Variants in STK24 observed in about 807,000 individuals in gnomAD.
STK24 encodes the protein serine/threonine-protein kinase 24.
STK24 carries 21 observed loss-of-function variants against 55.6 expected under a neutral mutation model. The observed-to-expected ratio is 0.38, with a 90% CI of 0.27 to 0.54. STK24 has a LOEUF of 0.54. Ranked by LOEUF, STK24 falls within the 20% of genes least tolerant of loss-of-function variation. The pLI is 0.79. For synonymous variants in STK24, 200 were observed against 215.2 expected, an observed-to-expected ratio of 0.93 and a Z score of 0.62; for missense variants, 383 against 538.4, an observed-to-expected ratio of 0.71 and a Z score of 2.86.
chr13:98,448,511 C>CT lies in STK24; in HGVS notation c.*4661_*4662insA. On this transcript the variant is annotated 3_prime_UTR_variant, in exon 11 of 11. Coordinates refer to ENST00000539966, the MANE Select transcript of STK24 (RefSeq NM_001032296.4). Reference sequence around the variant, plus strand: ...TCTGAATGAACAGCGCTCCCACCTCCAGTCCTGGCATCCGCTGGGGGCGCT... The same window carrying CT: ...TCTGAATGAACAGCGCTCCCACCTCCTAGTCCTGGCATCCGCTGGGGGCGCT... 1.7e-6 allele frequency: 1 copy of CT among 582,710 alleles called. No individual in the cohort carries two copies. Among genetic ancestry groups the CT allele is most frequent in the South Asian group, 2.0e-5 (1 of 48,834 alleles). 36.1% of individuals were successfully genotyped at this position (582,710 alleles called of 1,614,324 possible).
chr13:98,518,898 G>A (rs1373548247), intron 2 of STK24, among the ~76,000 whole-genome samples: 1 of 152,184 alleles, frequency 6.6e-6, no homozygotes, highest in African/African-American at 2.4e-5. Flanking sequence ...ACATTCTTAA[G>A]TTGGTATGAG....
In STK24 at chr13:98,448,210, G is replaced by GACTA. The variant is rs768076281; in HGVS notation, c.*4959_*4962dup. 5.0e-6 allele frequency: 8 copies of GACTA among 1,603,078 alleles called. No homozygotes were observed. Among genetic ancestry groups the GACTA allele is most frequent in the Middle Eastern group, 1.7e-4 (1 of 5,822 alleles). ...CAGGAGTCCGTCCAAACAAAAGGTT[G>GACTA]ACTAACTGGCGTTCCCGTGTTGCAG... On this transcript the variant is annotated 3_prime_UTR_variant, in exon 11 of 11. Transcript: ENST00000539966.
At chr13:98,469,240 T>TAC (rs1453651676) in intron 5 of STK24, among the ~76,000 whole-genome samples, 1 of 152,160 alleles carries the variant, frequency 6.6e-6, no homozygotes, top group Admixed American at 6.5e-5. Flanking sequence ...GGGCAGCCAG[T>TAC]ACAGCACCAT....
intron 1 of STK24, among the ~76,000 whole-genome samples, chr13:98,548,079 C>G (rs186343850): frequency 2.6e-5 from 4 of 152,250 alleles, no homozygotes; most frequent in Admixed American, 6.5e-5. Context: ...GTGGAGTCTA[C>G]GGCCAGGTGC....
chr13:98,552,560 C>T (rs756744690), intron 1 of STK24, among the ~76,000 whole-genome samples: 2 of 152,066 alleles, frequency 1.3e-5, no homozygotes, highest in South Asian at 2.1e-4. Context: ...AACCTGGCCT[C>T]GAAGTGAATT....
Position 98,446,662 on chromosome 13 carries a change from C to G in STK24, c.*6511G>C. 1 of 1,614,064 alleles carries G rather than the reference C, an allele frequency of 6.2e-7. No homozygotes were observed. Among genetic ancestry groups the G allele is most frequent in the African/African-American group, 1.3e-5 (1 of 75,052 alleles). Reference sequence around the variant, plus strand: ...AGCCACTTTGCTTTGTTTCCCCTTTCCAGGACAATCATCCCCTTGCCAGCC... The same window carrying G: ...AGCCACTTTGCTTTGTTTCCCCTTTGCAGGACAATCATCCCCTTGCCAGCC... On this transcript the variant is annotated 3_prime_UTR_variant, in exon 11 of 11. Coordinates refer to ENST00000539966, the MANE Select transcript of STK24 (RefSeq NM_001032296.4).
chr13:98,561,794 T>C (rs1459434324), intron 1 of STK24, among the ~76,000 whole-genome samples: 1 of 151,662 alleles, frequency 6.6e-6, no homozygotes, highest in Non-Finnish European at 1.5e-5. Flanking sequence ...CCGGCCAACA[T>C]GCTGAAACCC....
In STK24 at chr13:98,490,598, G is replaced by A. The variant is rs527525291; in HGVS notation, c.274-8277C>T. 2.0e-5 allele frequency among the ~76,000 whole-genome samples: 3 copies of A among 152,284 alleles called. No homozygotes were observed. In the East Asian group the frequency reaches 5.8e-4, roughly 29 times the overall value. ...AGTTGGACTAACGTCCAGGGTCAAA[G>A]CTTCCACGTGATGAATGTGGAGTAA... On this transcript the variant is annotated intron_variant, in intron 2 of 10. Transcript: ENST00000539966.
intron 1 of STK24, among the ~76,000 whole-genome samples, chr13:98,551,058 G>A (rs1410382668): frequency 6.6e-6 from 1 of 152,010 alleles, no homozygotes; most frequent in Non-Finnish European, 1.5e-5. Flanking sequence ...AGGCCGAGGT[G>A]GGTGGATCAC....
At chr13:98,516,285 G>A (rs954450683) in intron 2 of STK24, among the ~76,000 whole-genome samples, 3 of 152,202 alleles carry the variant, frequency 2.0e-5, no homozygotes, top group Non-Finnish European at 4.4e-5. Flanking sequence ...CAATGGCCAC[G>A]TTCTTCCAGG....
intron 1 of STK24, among the ~76,000 whole-genome samples, chr13:98,548,726 G>A (rs947288923): frequency 1.3e-5 from 2 of 152,010 alleles, no homozygotes; most frequent in Non-Finnish European, 2.9e-5. Flanking sequence ...GCCAGGCATG[G>A]TGGCAGGCAC....
At position 98,480,349 on chromosome 13, in the gene STK24, C is replaced by T. The variant is rs74805172; in HGVS notation, c.330+1916G>A. On this transcript the variant is annotated intron_variant, in intron 3 of 10. Coordinates refer to ENST00000539966, the MANE Select transcript of STK24 (RefSeq NM_001032296.4). ...ATGTTGGAAAAAGAATCCCTGTAAA[C>T]AACTTCGTATATGCTACAAATGAAA... Among the ~76,000 whole-genome samples the T allele has an allele frequency of 9.2e-3, 1,408 of 152,312 alleles. 19 individuals are homozygous for T. The highest frequency in any genetic ancestry group is 0.031 in the African/African-American group (1,287 of 41,574).
intron 9 of STK24, among the ~76,000 whole-genome samples, chr13:98,459,179 G>A (rs758585606): frequency 5.9e-5 from 9 of 152,160 alleles, no homozygotes; most frequent in Non-Finnish European, 8.8e-5. Context: ...GAAATCCCAC[G>A]GGGCCAACTC....
Position 98,452,897 on chromosome 13 carries a change from A to T in STK24, c.*276T>A. 2.8e-6 allele frequency: 1 copy of T among 353,272 alleles called. No homozygotes were observed. The highest frequency in any genetic ancestry group is 5.1e-6 in the Non-Finnish European group (1 of 197,400). The allele number at this position is 353,272 out of a possible 1,614,324, so 21.9% of individuals were successfully genotyped here. A position where few individuals can be genotyped will look rare whatever the true frequency, so the allele number is the denominator to read the frequency against. Reference sequence around the variant, plus strand: ...TTTGTTTTTAAAGACACTTTCCTGGAATATGTGCACTATGGTTAAAATTAA... The same window carrying T: ...TTTGTTTTTAAAGACACTTTCCTGGTATATGTGCACTATGGTTAAAATTAA... On this transcript the variant is annotated 3_prime_UTR_variant, in exon 11 of 11. Coordinates refer to ENST00000539966, the MANE Select transcript of STK24 (RefSeq NM_001032296.4).
rs1276353106 is a variant in STK24, at chr13:98,448,061, T to G, written c.*5112A>C. 3.2e-6 allele frequency: 2 copies of G among 630,102 alleles called. No individual in the cohort carries two copies. Among genetic ancestry groups the G allele is most frequent in the African/African-American group, 3.7e-5 (2 of 54,622 alleles). 39.0% of individuals were successfully genotyped at this position (630,102 alleles called of 1,614,324 possible). ...GAGTGAGTGCCCAGGCCAGTGGGTCTCCACTGTACCTCAGGAACGCCTGGG... is the reference window on the plus strand; with the variant it reads ...GAGTGAGTGCCCAGGCCAGTGGGTCGCCACTGTACCTCAGGAACGCCTGGG... On this transcript the variant is annotated 3_prime_UTR_variant, in exon 11 of 11. Coordinates refer to ENST00000539966, the MANE Select transcript of STK24 (RefSeq NM_001032296.4).
Position 98,445,446 on chromosome 13 carries a change from A to G in STK24, c.*7727T>C, listed in dbSNP as rs1892766292. On this transcript the variant is annotated 3_prime_UTR_variant, in exon 11 of 11. Transcript: ENST00000539966. ...AGCTGGGCTGCAGCGCATCCTAACA[A>G]TGCTCCAGGGGCTGGGCCGGCCCTG... is the stretch of plus-strand genomic sequence containing the variant. 1 of 152,144 alleles carries G rather than the reference A, an allele frequency of 6.6e-6. No individual in the cohort carries two copies. Among genetic ancestry groups the G allele is most frequent in the African/African-American group, 2.4e-5 (1 of 41,410 alleles). 9.4% of individuals were successfully genotyped at this position (152,144 alleles called of 1,614,324 possible).
chr13:98,448,415 A>T lies in STK24; in HGVS notation c.*4758T>A. 1 of 992,682 alleles carries T rather than the reference A, an allele frequency of 1.0e-6. No individual in the cohort carries two copies. The highest frequency in any genetic ancestry group is 1.4e-5 in the South Asian group (1 of 73,896). The allele number at this position is 992,682 out of a possible 1,614,324, so 61.5% of individuals were successfully genotyped here. A position where few individuals can be genotyped will look rare whatever the true frequency, so the allele number is the denominator to read the frequency against. On this transcript the variant is annotated 3_prime_UTR_variant, in exon 11 of 11. Transcript: ENST00000539966. ...CTGGTAAAATTAACACCTGTCTGAA[A>T]ATCAAAAACATGGCTTCCCAGCAGC... is the stretch of plus-strand genomic sequence containing the variant.
intron 1 of STK24, among the ~76,000 whole-genome samples, chr13:98,535,288 G>T (rs1239310541): frequency 6.6e-6 from 1 of 150,668 alleles, no homozygotes; most frequent in African/African-American, 2.5e-5. Flanking sequence ...AGTGAGCCAA[G>T]ATCACGCCAT....
intron 6 of STK24, among the ~76,000 whole-genome samples, chr13:98,464,499 T>C (rs1358535918): frequency 6.7e-6 from 1 of 148,442 alleles, no homozygotes; most frequent in Non-Finnish European, 1.5e-5. Context: ...GTTTAACTTT[T>C]TTTTTTTTTT....
Sources: allele counts gnomAD v4.1 joint callset (sites outside exome capture counted in the v4.1 genomes callset), GRCh38; gene constraint gnomAD v4.1.1; transcripts MANE v1.5; gene names NCBI Gene and HGNC (gene_info 2026-07-23, HGNC 2026-07-21).